ZNF532: variants seen among roughly 807,000 people sequenced by gnomAD.
The protein encoded by ZNF532 is zinc finger protein 532.
A neutral mutation model predicts 89.3 loss-of-function variants in ZNF532; 22 were observed. That is an observed-to-expected ratio of 0.25 (90% CI 0.18 to 0.35). ZNF532 has a LOEUF of 0.35. ZNF532 is among the 10% of genes least tolerant of loss of function. ZNF532 has a pLI of 1.00. For missense variants in ZNF532, 1,132 were observed against 1,643.4 expected (o/e 0.69, Z 5.38); for synonymous variants, 606 against 649.6 (o/e 0.93, Z 1.02).
At chr18:58,945,731 A>AT (rs1555742692) in intron 5 of ZNF532, among the ~76,000 whole-genome samples, 1,655 of 145,166 alleles carry the variant, frequency 0.011, 18 homozygotes, top group African/African-American at 0.024. Flanking sequence ...TTATTTATTT[A>AT]TTTTTTTTTT....
intron 2 of ZNF532, among the ~76,000 whole-genome samples, chr18:58,910,089 T>G (rs1009904998): frequency 6.6e-6 from 1 of 151,834 alleles, no homozygotes; most frequent in Non-Finnish European, 1.5e-5. Flanking sequence ...AAAGAAAAAA[T>G]AAATGTTGCA....
intron 7 of ZNF532, among the ~76,000 whole-genome samples, chr18:58,968,144 T>C (rs970866061): frequency 1.3e-5 from 2 of 152,208 alleles, no homozygotes; most frequent in African/African-American, 2.4e-5. Context: ...AAGGAAGATA[T>C]TTCCTCCCCT....
At chr18:58,888,837 T>TAAA (rs1347791579) in intron 2 of ZNF532, among the ~76,000 whole-genome samples, 103 of 49,316 alleles carry the variant, frequency 2.1e-3, no homozygotes, top group South Asian at 2.6e-3. Context: ...ATTATATATA[T>TAAA]AATTTATATA....
At chr18:58,877,077 GA>G (rs1428376598) in intron 2 of ZNF532, among the ~76,000 whole-genome samples, 1 of 152,052 alleles carries the variant, frequency 6.6e-6, no homozygotes, top group Non-Finnish European at 1.5e-5. Flanking sequence ...AAAAAAAGCA[GA>G]AAAGAAAAGT....
At chr18:58,898,708 C>T (rs922635583) in intron 2 of ZNF532, among the ~76,000 whole-genome samples, 19 of 152,338 alleles carry the variant, frequency 1.2e-4, no homozygotes, top group Non-Finnish European at 1.9e-4. Context: ...TTCCCTCACA[C>T]CTTGATTCTC....
At chr18:58,904,443 G>A (rs2059799287) in intron 2 of ZNF532, among the ~76,000 whole-genome samples, 2 of 152,098 alleles carry the variant, frequency 1.3e-5, no homozygotes, top group South Asian at 4.2e-4. Flanking sequence ...TGTACACCTG[G>A]CTATATTTTA....
rs1568247421 is a variant in ZNF532, at chr18:58,888,825, AAAT to A, written c.-18+23247_-18+23249del. The stretch of plus-strand genomic sequence containing the variant: ...TATATATATAAAAAATTATATATAT[AAAT>A]TATATATATAATTTATATATATATA... On this transcript the variant is annotated intron_variant, in intron 2 of 9. Coordinates refer to ENST00000591808, the MANE Select transcript of ZNF532 (RefSeq NM_001375912.1). Among the ~76,000 whole-genome samples the A allele has an allele frequency of 1.2e-3, 56 of 45,324 alleles. 1 individual carries two copies. The highest frequency in any genetic ancestry group is 0.011 in the East Asian group (11 of 980). 29.7% of individuals were successfully genotyped at this position (45,324 alleles called of 152,430 possible). A position where few individuals can be genotyped will look rare whatever the true frequency, so the allele number is the denominator to read the frequency against.
At chr18:58,863,992 G>A (rs966837275), upstream of ZNF532, 2 of 151,822 alleles carry the variant, frequency 1.3e-5, no homozygotes, top group Non-Finnish European at 2.9e-5. Context: ...GCTGGCTTGG[G>A]GGGCCGAGGA....
chr18:58,950,680 G>C (rs187981410), intron 6 of ZNF532, among the ~76,000 whole-genome samples: 1 of 150,020 alleles, frequency 6.7e-6, no homozygotes, highest in East Asian at 1.9e-4. Context: ...ATATAAACTT[G>C]TAGGACCTCC....
intron 5 of ZNF532, among the ~76,000 whole-genome samples, chr18:58,942,340 TCCCTC>T (rs1568382947): frequency 0.011 from 344 of 31,736 alleles, 9 homozygotes; most frequent in Non-Finnish European, 0.014. Flanking sequence ...CCTCCCTCCC[TCCCTC>T]CCTCCCTTCC....
chr18:58,871,173 G>C (rs981873314), intron 2 of ZNF532, among the ~76,000 whole-genome samples: 2 of 152,132 alleles, frequency 1.3e-5, no homozygotes, highest in Non-Finnish European at 2.9e-5. Flanking sequence ...AGAAAATGTA[G>C]CTAAAACCTG....
intron 2 of ZNF532, among the ~76,000 whole-genome samples, chr18:58,917,421 A>G (rs1288450693): frequency 6.6e-6 from 1 of 152,232 alleles, no homozygotes; most frequent in Non-Finnish European, 1.5e-5. Context: ...GTAGAGTCTC[A>G]GGATGGAAGG....
chr18:58,897,868 G>A (rs2059349577), intron 2 of ZNF532, among the ~76,000 whole-genome samples: 1 of 152,172 alleles, frequency 6.6e-6, no homozygotes, highest in African/African-American at 2.4e-5. Context: ...CAGGAGAATT[G>A]CTTGAATTCA....
In ZNF532 at chr18:58,919,482, G is replaced by T. The variant is rs755855361; in HGVS notation, c.1195G>T (p.Val399Leu). 6 of 1,614,078 alleles carry T rather than the reference G, an allele frequency of 3.7e-6. No homozygotes were observed. The highest frequency in any genetic ancestry group is 3.3e-5 in the Admixed American group (2 of 60,002). Residue 399 changes from valine to leucine, a missense_variant, in exon 3 of 10, where the codon GTG becomes TTG. By Grantham distance (32) the Val-to-Leu change is conservative. Around this residue, in one of 9 missense-constraint regions of ZNF532, gnomAD observed 124 missense variants for 191.6 expected, o/e 0.65. Transcript: ENST00000591808. This position sits in a 1 kb window ranked among gnomAD's most constrained non-coding sequence, Gnocchi z 6.1. ...GAAACCTTCCGAGCAGACAGCGTCC[G>T]TGATGGCCTCTGTGACATCCCTTCT... ...GKKPSEQTAS[V>L]MASVTSLLSS...
At chr18:58,924,271 G>T (rs1329649578) in intron 3 of ZNF532, among the ~76,000 whole-genome samples, 2 of 152,152 alleles carry the variant, frequency 1.3e-5, no homozygotes, top group Non-Finnish European at 2.9e-5. Flanking sequence ...CTTTTTTCTG[G>T]TGCTCACACC....
chr18:58,887,706 G>A (rs1230463443), intron 2 of ZNF532, among the ~76,000 whole-genome samples: 1 of 152,140 alleles, frequency 6.6e-6, no homozygotes. Context: ...CTCACAGGAG[G>A]GACCGTCATG....
chr18:58,894,374 G>A (rs2059114106), intron 2 of ZNF532, among the ~76,000 whole-genome samples: 1 of 151,698 alleles, frequency 6.6e-6, no homozygotes, highest in African/African-American at 2.4e-5. Context: ...AGCTGAGGCA[G>A]GAGAATCGCT....
intron 2 of ZNF532, among the ~76,000 whole-genome samples, chr18:58,878,771 C>CA (rs1204237084): frequency 1.3e-5 from 2 of 152,206 alleles, no homozygotes; most frequent in African/African-American, 4.8e-5. Context: ...AAAGGCAGCT[C>CA]ATTCTGAGGC....
At chr18:58,894,551 C>T (rs2059128187) in intron 2 of ZNF532, among the ~76,000 whole-genome samples, 1 of 151,632 alleles carries the variant, frequency 6.6e-6, no homozygotes, top group South Asian at 2.1e-4. Context: ...GATGTTCTTA[C>T]TAATCAAATC....
Sources: gnomAD v4.1 joint callset for allele counts (sites outside exome capture counted in the v4.1 genomes callset) on GRCh38, gnomAD v4.1.1 for gene constraint, gnomAD v4.1.1 regional missense constraint, Gnocchi (gnomAD v3.1) non-coding constraint, MANE v1.5 for transcripts, NCBI Gene and HGNC (gene_info 2026-07-23, HGNC 2026-07-21) for gene names.